LPA: variants seen among roughly 807,000 people sequenced by gnomAD.
LPA encodes apolipoprotein(a).
In LPA, 199 loss-of-function variants were observed where a neutral mutation model predicts 197.9. The observed-to-expected ratio is 1.01, with a 90% confidence interval of 0.90 to 1.13. The LOEUF (loss-of-function observed/expected upper bound fraction) is 1.13, where lower values mean the gene tolerates loss of function less well. Ranked by LOEUF, LPA falls within the 50% of genes most tolerant of loss-of-function variation. The probability of loss-of-function intolerance (pLI) is 0.00; values close to 1 mark genes in which losing one functional copy is unlikely to be tolerated. For missense variants in LPA, 1,853 were observed against 1,785.8 expected (o/e 1.04, Z -0.68); for synonymous variants, 715 against 639.5 (o/e 1.12, Z -1.78).
At chr6:160,557,741 C>T (rs144148441) in intron 28 of LPA, among the ~76,000 whole-genome samples, 170 bp from the exon 29 acceptor site, 5 of 152,128 alleles carry the variant, frequency 3.3e-5, no homozygotes. Flanking sequence ...TTCTAAAGAA[C>T]CATGTAAATT....
chr6:160,597,024 G>A (rs527759673), intron 20 of LPA, among the ~76,000 whole-genome samples: 1 of 152,052 alleles, frequency 6.6e-6, no homozygotes, highest in African/African-American at 2.4e-5. Context: ...ACTTTATTCT[G>A]GGAGAATAAA....
chr6:160,591,092 G>C lies in LPA; in HGVS notation c.3639C>G (p.Thr1213=), dbSNP rs1779021116. ...CATCTGGATTCCTGCAGTAGTTCCT[G>C]GTCAGGCCACTGCAAATTACAAAAC... ...TTEYYPNGGL[T]RNYCRNPDAE... is the part of the protein sequence containing the mutation. Residue 1213 remains threonine, a synonymous_variant, in exon 23 of 39, where the codon ACC becomes ACG. Coordinates refer to ENST00000316300, the MANE Select transcript of LPA (RefSeq NM_005577.4). 1.4e-5 allele frequency: 22 copies of C among 1,613,554 alleles called. No homozygotes were observed. Among genetic ancestry groups the C allele is most frequent in the Non-Finnish European group, 1.9e-5 (22 of 1,179,880 alleles).
At chr6:160,664,009 A>AT (rs757409320) in intron 1 of LPA, among the ~76,000 whole-genome samples, 157 bp downstream of exon 1, 6 of 152,100 alleles carry the variant, frequency 3.9e-5, no homozygotes, top group African/African-American at 7.2e-5. Context: ...AATTAAACTT[A>AT]TTTTTTTAAG....
intron 28 of LPA, among the ~76,000 whole-genome samples, chr6:160,571,259 C>A (rs1778557001): frequency 6.6e-6 from 1 of 152,206 alleles, no homozygotes; most frequent in Non-Finnish European, 1.5e-5. Flanking sequence ...CTGTAGTTAG[C>A]AATTCCTCTG....
chr6:160,561,656 T>C (rs562990491), intron 28 of LPA, among the ~76,000 whole-genome samples: 9 of 152,336 alleles, frequency 5.9e-5, no homozygotes, highest in African/African-American at 2.2e-4. Flanking sequence ...TAAATCACTT[T>C]GGGCAGTATG....
At chr6:160,563,990 C>G (rs1778406384) in intron 28 of LPA, among the ~76,000 whole-genome samples, 1 of 152,154 alleles carries the variant, frequency 6.6e-6, no homozygotes, top group African/African-American at 2.4e-5. Context: ...CTGAACACAG[C>G]AAACCAATGG....
chr6:160,569,742 G>A (rs1778529174), intron 28 of LPA, among the ~76,000 whole-genome samples: 1 of 151,994 alleles, frequency 6.6e-6, no homozygotes, highest in Admixed American at 6.6e-5. Flanking sequence ...ATCTGACAAA[G>A]GGCTAATATC....
At chr6:160,575,107 CAAG>C (rs925126807) in intron 28 of LPA, among the ~76,000 whole-genome samples, 75 of 152,182 alleles carry the variant, frequency 4.9e-4, no homozygotes, top group South Asian at 1.2e-3. Context: ...ACAATTTAAC[CAAG>C]AAGATTTGCC....
At position 160,594,022 on chromosome 6, in the gene LPA, A is replaced by T. The variant is rs1779082537; in HGVS notation, c.3565T>A (p.Cys1189Ser). 1.9e-6 allele frequency: 3 copies of T among 1,614,028 alleles called. No individual in the cohort carries two copies. Among genetic ancestry groups the T allele is most frequent in the African/African-American group, 2.7e-5 (2 of 75,054 alleles). The change falls in exon 22 of 39, where the codon TGT becomes AGT. Residue 1189 changes from cysteine to serine, a missense_variant. Around this residue, in one of 3 missense-constraint regions of LPA, gnomAD observed 1,737 missense variants for 1,504.4 expected, o/e 1.15. Transcript: ENST00000316300. ...SFSTTVTGRT[C>S]QSWSSMTPHW... ...GGTGTCATAGAGGACCAAGACTGAC[A>T]TGTCCTTCCTGTGACAGTGGTAGAG...
intron 16 of LPA, 49 bp downstream of exon 16, chr6:160,611,513 A>T (rs922226140): frequency 1.2e-6 from 2 of 1,603,660 alleles, no homozygotes; most frequent in Admixed American, 3.3e-5. Flanking sequence ...CTTGTCACAG[A>T]AACTTCAGTT....
chr6:160,567,338 A>C (rs1422363737), intron 28 of LPA, among the ~76,000 whole-genome samples: 2 of 152,294 alleles, frequency 1.3e-5, no homozygotes. Context: ...GGATTAAGAA[A>C]CTCATTAAAA....
At position 160,595,395 on chromosome 6, in the gene LPA, G is replaced by A. The variant is rs142720914; in HGVS notation, c.3428C>T (p.Thr1143Met). The change falls in exon 21 of 39, where the codon ACG (threonine) becomes ATG (methionine). Residue 1143 changes from threonine to methionine, a missense_variant. Around this residue, in one of 3 missense-constraint regions of LPA, gnomAD observed 1,737 missense variants for 1,504.4 expected, o/e 1.15. Coordinates refer to ENST00000316300, the MANE Select transcript of LPA (RefSeq NM_005577.4). ...CTCTGTGCTTGGATCTGGGACCACC[G>A]TGAGAGTTGCAAGGACACTTGATTC... is the stretch of plus-strand genomic sequence containing the variant. ...VTESSVLATLTVVPDPSTEAS... is the reference protein window; with the variant it reads ...VTESSVLATLMVVPDPSTEAS... 574 of 1,613,602 alleles carry A rather than the reference G, an allele frequency of 3.6e-4. 1 individual carries two copies. Among genetic ancestry groups the A allele is most frequent in the Admixed American group, 8.8e-4 (53 of 60,016 alleles).
At chr6:160,567,077 C>G (rs1312808585) in intron 28 of LPA, among the ~76,000 whole-genome samples, 1 of 151,584 alleles carries the variant, frequency 6.6e-6, no homozygotes. Flanking sequence ...CAACATTAGA[C>G]AGATCAATGA....
intron 16 of LPA, among the ~76,000 whole-genome samples, chr6:160,608,325 A>G (rs893426562): frequency 1.3e-5 from 2 of 152,162 alleles, no homozygotes; most frequent in Non-Finnish European, 2.9e-5. Context: ...TTTATGCAGC[A>G]TGGATGATCT....
chr6:160,559,469 T>C (rs1406898802), intron 28 of LPA, among the ~76,000 whole-genome samples: 9 of 152,228 alleles, frequency 5.9e-5, no homozygotes, highest in African/African-American at 2.2e-4. Context: ...AAAGCTCCTA[T>C]AAATATTCAT....
At position 160,556,183 on chromosome 6, in the gene LPA, T is replaced by C. The variant is rs1025039790; in HGVS notation, c.4815A>G (p.Ala1605=). Residue 1605 remains alanine (A), a splice_region_variant and synonymous_variant, in exon 30 of 39, where the codon GCA becomes GCG. Transcript: ENST00000316300. ...VPSMEAHSEA[A]PTEQTPVVRQ... is the part of the protein sequence containing the mutation. ...GGACCACAGGGGTTTGCTCAGTTGG[T>C]GCTGAAAATAGACAAAATCAAGCTG... 7.4e-6 allele frequency: 12 copies of C among 1,613,718 alleles called. No individual in the cohort carries two copies. The highest frequency in any genetic ancestry group is 1.0e-5 in the Non-Finnish European group (12 of 1,179,868).
At chr6:160,569,489 G>C (rs1778523629) in intron 28 of LPA, among the ~76,000 whole-genome samples, 1 of 150,116 alleles carries the variant, frequency 6.7e-6, no homozygotes, top group Admixed American at 6.6e-5. Context: ...ATTCAAGATG[G>C]ATTAAAGACT....
chr6:160,598,144 T>G (rs781744831), intron 20 of LPA, among the ~76,000 whole-genome samples: 27 of 152,244 alleles, frequency 1.8e-4, no homozygotes, highest in Non-Finnish European at 3.1e-4. Context: ...CAGAGCACTA[T>G]GTGAGCTCTG....
At chr6:160,634,959 C>G (rs746642452) in intron 7 of LPA, among the ~76,000 whole-genome samples, 164 bp downstream of exon 7, 2 of 150,204 alleles carry the variant, frequency 1.3e-5, no homozygotes, top group South Asian at 2.1e-4. Flanking sequence ...GAAATCACTC[C>G]GCTGGCTCCC....
Sources: allele counts gnomAD v4.1 joint callset (sites outside exome capture counted in the v4.1 genomes callset), GRCh38; gene constraint gnomAD v4.1.1; regional missense constraint gnomAD v4.1.1; transcripts MANE v1.5; gene names NCBI Gene and HGNC (gene_info 2026-07-23, HGNC 2026-07-21).